Variants in CNTN4 observed in about 807,000 individuals in gnomAD.
CNTN4 encodes contactin-4.
A neutral mutation model predicts 122.5 loss-of-function variants in CNTN4; 77 were observed. That is an observed-to-expected ratio of 0.63 (90% confidence interval 0.52 to 0.76). The LOEUF (loss-of-function observed/expected upper bound fraction) is 0.76. Among genes scored for constraint, CNTN4 ranks in the 30% least tolerant of loss-of-function variants. CNTN4 has a pLI of 0.00. For synonymous variants in CNTN4, 512 were observed against 447.0 expected (o/e 1.15, Z -1.83); for missense variants, 1,256 against 1,259.1 (o/e 1.00, Z 0.04).
intron 3 of CNTN4, among the ~76,000 whole-genome samples, chr3:2,522,296 G>C (rs568372274): frequency 6.2e-4 from 95 of 152,060 alleles, no homozygotes; most frequent in African/African-American, 2.3e-3. Flanking sequence ...GATTCAAATT[G>C]ATGTAGTATT....
chr3:2,359,631 C>T (rs1441816396), intron 3 of CNTN4, among the ~76,000 whole-genome samples: 1 of 152,114 alleles, frequency 6.6e-6, no homozygotes, highest in Non-Finnish European at 1.5e-5. Flanking sequence ...GCCCCGCCTC[C>T]CGAATTCACG....
rs1034957878 is a variant in CNTN4, at chr3:2,841,600, A to T, written c.454+22019A>T. On this transcript the variant is annotated intron_variant, in intron 7 of 24. Transcript: ENST00000418658. The surrounding 1 kb of genome is among the most constrained non-coding windows in gnomAD (Gnocchi z 4.8). ...TGGCCATTGGCTTCGGGATTTGGTT[A>T]TTTCCTCAACCCTTTGTGAAGAAAT... 2.6e-5 allele frequency among the ~76,000 whole-genome samples: 4 copies of T among 152,184 alleles called. No homozygotes were observed. Among genetic ancestry groups the T allele is most frequent in the African/African-American group, 9.7e-5 (4 of 41,450 alleles).
chr3:2,557,646 G>A (rs1372368866), intron 3 of CNTN4, among the ~76,000 whole-genome samples: 3 of 151,836 alleles, frequency 2.0e-5, no homozygotes, highest in South Asian at 4.2e-4. Flanking sequence ...GGAGAATGGC[G>A]TGAACCTGGG....
chr3:2,446,114 C>T (rs1310126423), intron 3 of CNTN4, among the ~76,000 whole-genome samples: 1 of 152,174 alleles, frequency 6.6e-6, no homozygotes, highest in Non-Finnish European at 1.5e-5. Context: ...ATTCCCTAAT[C>T]TGCCCACTTT....
At chr3:2,592,492 AATC>A (rs1487693486) in intron 4 of CNTN4, among the ~76,000 whole-genome samples, 1 of 152,182 alleles carries the variant, frequency 6.6e-6, no homozygotes, top group Non-Finnish European at 1.5e-5. Context: ...GAGATGATTG[AATC>A]ATGGGGATGG....
intron 4 of CNTN4, among the ~76,000 whole-genome samples, chr3:2,612,984 G>T (rs1176104923): frequency 6.6e-6 from 1 of 152,144 alleles, no homozygotes; most frequent in Non-Finnish European, 1.5e-5. Context: ...TTAGGGTGCT[G>T]CATGTGAGCA....
intron 10 of CNTN4, among the ~76,000 whole-genome samples, chr3:2,898,582 T>G (rs1440983705): frequency 6.6e-6 from 1 of 152,234 alleles, no homozygotes; most frequent in African/African-American, 2.4e-5. Flanking sequence ...TCCAGCTTTC[T>G]GCATTTTTGC....
At position 2,282,371 on chromosome 3, in the gene CNTN4, C is replaced by T. The variant is rs984800909; in HGVS notation, c.-144-56807C>T. On this transcript the variant is annotated intron_variant, in intron 2 of 24. Transcript: ENST00000418658. ...AATGACCTTTAATGTATACAGCATG[C>T]ATTTTTTCATTCTCTAGCAATGAGA... is the stretch of plus-strand genomic sequence containing the variant. Among the ~76,000 whole-genome samples, 9 of 152,128 alleles carry T rather than the reference C, an allele frequency of 5.9e-5. No individual in the cohort carries two copies. The East Asian group carries it at 1.7e-3, about 29-fold the overall frequency.
intron 12 of CNTN4, among the ~76,000 whole-genome samples, chr3:2,904,707 A>C (rs2094210691): frequency 6.6e-6 from 1 of 152,236 alleles, no homozygotes; most frequent in South Asian, 2.1e-4. Flanking sequence ...TTTGGAGTAC[A>C]GTTCACCATG....
intron 13 of CNTN4, among the ~76,000 whole-genome samples, chr3:2,952,099 G>A (rs1272137539): frequency 6.6e-6 from 1 of 152,182 alleles, no homozygotes; most frequent in African/African-American, 2.4e-5. Flanking sequence ...TGCTGCCCTT[G>A]TAGTATGGAG....
chr3:2,469,343 A>G (rs1017169505), intron 3 of CNTN4, among the ~76,000 whole-genome samples: 8 of 152,352 alleles, frequency 5.3e-5, no homozygotes, highest in African/African-American at 1.4e-4. Context: ...TTAAGTAAGT[A>G]ACAAAGTTAA....
At chr3:2,578,356 A>G (rs373698611) in intron 4 of CNTN4, among the ~76,000 whole-genome samples, 9 of 152,154 alleles carry the variant, frequency 5.9e-5, no homozygotes, top group South Asian at 2.1e-4. Context: ...CCATTTTTCT[A>G]TCTACTCAGA....
intron 14 of CNTN4, among the ~76,000 whole-genome samples, chr3:3,004,441 G>A (rs75861509): frequency 0.011 from 1,714 of 152,210 alleles, 28 homozygotes; most frequent in African/African-American, 0.039. Flanking sequence ...CTGTGACACC[G>A]TACCTGATAT....
At chr3:2,663,164 T>A (rs2083985705) in intron 4 of CNTN4, among the ~76,000 whole-genome samples, 1 of 152,136 alleles carries the variant, frequency 6.6e-6, no homozygotes, top group African/African-American at 2.4e-5. Flanking sequence ...TTGTACTATG[T>A]TAAGGAGCTT....
At chr3:2,259,674 A>G (rs770833969) in intron 2 of CNTN4, among the ~76,000 whole-genome samples, 1 of 152,140 alleles carries the variant, frequency 6.6e-6, no homozygotes, top group African/African-American at 2.4e-5. Context: ...TGTATTCACA[A>G]CCACGAGAAC....
intron 2 of CNTN4, among the ~76,000 whole-genome samples, chr3:2,120,380 T>TATATATATATATATAA (rs2033660172): frequency 4.7e-4 from 13 of 27,524 alleles, no homozygotes; most frequent in South Asian, 9.4e-4. Context: ...TATAAATATA[T>TATATATATATATATAA]ATATATATAT....
At position 2,104,935 on chromosome 3, in the gene CNTN4, T is replaced by C. The variant is rs943411730; in HGVS notation, c.-145+4296T>C. Among the ~76,000 whole-genome samples the C allele has an allele frequency of 3.3e-5, 5 of 152,190 alleles. No individual in the cohort carries two copies. In the East Asian group the frequency reaches 9.6e-4, roughly 29 times the overall value. The stretch of plus-strand genomic sequence containing the variant: ...ACCTCTATTACTATCCCATTCTTAG[T>C]GCATATGGTCTGGGTGGGATTCCGT... On this transcript the variant is annotated intron_variant, in intron 2 of 24. Transcript: ENST00000418658.
chr3:2,196,620 C>G (rs2037845546), intron 2 of CNTN4, among the ~76,000 whole-genome samples: 1 of 152,110 alleles, frequency 6.6e-6, no homozygotes, highest in Admixed American at 6.6e-5. Context: ...GTACCCTATA[C>G]CAAGCATAAA....
intron 13 of CNTN4, among the ~76,000 whole-genome samples, chr3:2,943,066 T>C (rs755814280): frequency 6.6e-6 from 1 of 152,098 alleles, no homozygotes; most frequent in Non-Finnish European, 1.5e-5. Flanking sequence ...CCAATCTAGA[T>C]GAGGTGTATA....
Sources: allele counts gnomAD v4.1 joint callset (sites outside exome capture counted in the v4.1 genomes callset), GRCh38; gene constraint gnomAD v4.1.1; non-coding constraint Gnocchi (gnomAD v3.1); transcripts MANE v1.5; gene names NCBI Gene and HGNC (gene_info 2026-07-23, HGNC 2026-07-21).